Variants in CCDC171 observed in about 807,000 individuals in gnomAD.
CCDC171 encodes coiled-coil domain containing 171.
CCDC171 carries 177 observed loss-of-function variants against 168.2 expected under a neutral mutation model. That is an observed-to-expected ratio of 1.05 (90% CI 0.93 to 1.19). CCDC171 has a LOEUF of 1.19. Ranked by LOEUF, CCDC171 falls within the 50% of genes most tolerant of loss-of-function variation. The pLI is 0.00. For synonymous variants in CCDC171, 687 were observed against 540.8 expected (o/e 1.27, Z -3.75); for missense variants, 1,991 against 1,539.0 (o/e 1.29, Z -4.91).
chr9:15,681,004 A>G (rs1046545759), intron 10 of CCDC171, among the ~76,000 whole-genome samples: 6 of 152,156 alleles, frequency 3.9e-5, no homozygotes, highest in Non-Finnish European at 7.4e-5. Flanking sequence ...CTCACCACAG[A>G]GCATATTCAT....
rs559930398 is a variant in CCDC171, at chr9:16,054,079, C to T, written n.90-6567C>T. ...CTTTCCTTTTCTTCCGGGTTCAGCGCTCCTTTTAAAAGTGGGCTCATGAGG... is the reference window on the plus strand; with the variant it reads ...CTTTCCTTTTCTTCCGGGTTCAGCGTTCCTTTTAAAAGTGGGCTCATGAGG... On this transcript the variant is annotated intron_variant and non_coding_transcript_variant, in intron 1 of 1. Transcript: ENST00000478913. Among the ~76,000 whole-genome samples, 7 of 152,284 alleles carry T rather than the reference C, an allele frequency of 4.6e-5. No individual in the cohort carries two copies. In the South Asian group the frequency reaches 1.5e-3, roughly 32 times the overall value.
chr9:15,834,216 A>G (rs777574718), intron 21 of CCDC171, among the ~76,000 whole-genome samples: 4 of 152,198 alleles, frequency 2.6e-5, no homozygotes, highest in Admixed American at 1.3e-4. Flanking sequence ...ATTGTCATCA[A>G]TCATAGTAAC....
intron 1 of CCDC171, among the ~76,000 whole-genome samples, chr9:16,045,674 A>T (rs1231565992): frequency 1.3e-5 from 2 of 152,218 alleles, no homozygotes; most frequent in African/African-American, 4.8e-5. Flanking sequence ...TTCTAGAGCC[A>T]GAGCAGCACT....
intron 11 of CCDC171, among the ~76,000 whole-genome samples, chr9:15,718,196 A>T (rs961759979): frequency 6.6e-6 from 1 of 152,208 alleles, no homozygotes; most frequent in Non-Finnish European, 1.5e-5. Flanking sequence ...AGTAGCCTGG[A>T]AGTACTCCTG....
chr9:16,044,998 T>C (rs1328089231), intron 1 of CCDC171, among the ~76,000 whole-genome samples: 1 of 152,232 alleles, frequency 6.6e-6, no homozygotes, highest in Non-Finnish European at 1.5e-5. Context: ...TAGTGTGTCT[T>C]AAGAGGTTAC....
chr9:15,995,426 A>T (rs1832341099), intron 3 of CCDC171, among the ~76,000 whole-genome samples: 1 of 152,232 alleles, frequency 6.6e-6, no homozygotes, highest in African/African-American at 2.4e-5. Context: ...GACTGGTGAG[A>T]AATTCACTCC....
chr9:15,578,757 T>A (rs1434306975), intron 3 of CCDC171, 92 bp from the exon 4 acceptor site: 28 of 1,021,398 alleles, frequency 2.7e-5, no homozygotes, highest in Non-Finnish European at 3.4e-5. Flanking sequence ...TTGTATATAT[T>A]ATGGAAACAA....
intron 18 of CCDC171, among the ~76,000 whole-genome samples, chr9:15,766,002 C>T (rs570050859): frequency 6.6e-5 from 10 of 152,152 alleles, no homozygotes; most frequent in Admixed American, 3.9e-4. Context: ...GCGGAGGACA[C>T]GTTTGTTTAC....
At chr9:15,858,466 A>T (rs2061428618) in intron 23 of CCDC171, among the ~76,000 whole-genome samples, 1 of 152,052 alleles carries the variant, frequency 6.6e-6, no homozygotes, top group Non-Finnish European at 1.5e-5. Context: ...TGCCACTGGG[A>T]TTCTGATAGG....
chr9:15,612,487 C>T (rs549464773), intron 6 of CCDC171, among the ~76,000 whole-genome samples: 2 of 152,266 alleles, frequency 1.3e-5, no homozygotes, highest in African/African-American at 2.4e-5. Context: ...GTGGTCCCCT[C>T]TTGGTGTTCT....
At position 15,744,569 on chromosome 9, in the gene CCDC171, G is replaced by C. The variant is rs1411712697; in HGVS notation, c.2346G>C (p.Lys782Asn). 2 of 1,614,040 alleles carry C rather than the reference G, an allele frequency of 1.2e-6. No individual in the cohort carries two copies. Among genetic ancestry groups the C allele is most frequent in the Admixed American group, 1.7e-5 (1 of 59,994 alleles). The change falls in exon 17 of 26, where the codon AAG becomes AAC. Residue 782 changes from lysine to asparagine, a missense_variant. Lys to Asn is a moderately conservative substitution (Grantham distance 94, BLOSUM62 0). Transcript: ENST00000380701. ...LAQALSTVEEKKQEEAKMKKK... is the reference protein window; with the variant it reads ...LAQALSTVEENKQEEAKMKKK... ...AGGCTTTGTCAACTGTAGAGGAAAA[G>C]AAGCAAGAGGAAGCCAAGATGAAAA...
Position 15,836,119 on chromosome 9 carries a change from C to G in CCDC171, c.3268-10583C>G, listed in dbSNP as rs182812927. On this transcript the variant is annotated intron_variant, in intron 21 of 25. Transcript: ENST00000380701. Reference sequence around the variant, plus strand: ...GATTTTCTAAAGTATCTCCTGATGACTTCATAGTTATATAAATATTAAATT... The same window carrying G: ...GATTTTCTAAAGTATCTCCTGATGAGTTCATAGTTATATAAATATTAAATT... Among the ~76,000 whole-genome samples the G allele has an allele frequency of 4.6e-5, 7 of 152,226 alleles. No homozygotes were observed. The East Asian group carries it at 1.4e-3, about 29-fold the overall frequency.
Position 15,639,147 on chromosome 9 carries a change from T to C in CCDC171, c.822+15734T>C, listed in dbSNP as rs1363934429. ...AAAAGTTGTATTTTACCTTTCATAATTGTTGATAAAGACCACCTTGTATGA... is the reference window on the plus strand; with the variant it reads ...AAAAGTTGTATTTTACCTTTCATAACTGTTGATAAAGACCACCTTGTATGA... On this transcript the variant is annotated intron_variant, in intron 7 of 25. Coordinates refer to ENST00000380701, the MANE Select transcript of CCDC171 (RefSeq NM_173550.4). Among the ~76,000 whole-genome samples, 3 of 152,064 alleles carry C rather than the reference T, an allele frequency of 2.0e-5. No individual in the cohort carries two copies. The East Asian group carries it at 5.8e-4, about 29-fold the overall frequency.
At chr9:16,097,390 C>A in the CCDC171 span, among the ~76,000 whole-genome samples, 1 of 152,136 alleles carries the variant, frequency 6.6e-6, no homozygotes, top group Non-Finnish European at 1.5e-5. Context: ...AAAGGGAAAG[C>A]AATATTTTTT....
intron 3 of CCDC171, among the ~76,000 whole-genome samples, chr9:16,011,820 G>C (rs986292049): frequency 6.6e-6 from 1 of 152,164 alleles, no homozygotes; most frequent in East Asian, 1.9e-4. Context: ...GGAGAAGTTT[G>C]AATAAAACTT....
At chr9:15,907,537 T>C (rs891872739) in intron 24 of CCDC171, among the ~76,000 whole-genome samples, 3 of 152,076 alleles carry the variant, frequency 2.0e-5, no homozygotes, top group African/African-American at 7.2e-5. Context: ...AAATGTTAGA[T>C]TTAAAACCAT....
At chr9:15,675,674 T>G (rs968456408) in intron 9 of CCDC171, among the ~76,000 whole-genome samples, 1 of 152,204 alleles carries the variant, frequency 6.6e-6, no homozygotes, top group Non-Finnish European at 1.5e-5. Flanking sequence ...TGAAAATTCT[T>G]TTCTTTAAGA....
At chr9:15,871,960 A>C (rs1029691623) in intron 23 of CCDC171, among the ~76,000 whole-genome samples, 1 of 152,000 alleles carries the variant, frequency 6.6e-6, no homozygotes, top group Non-Finnish European at 1.5e-5. Flanking sequence ...TTTTCTAAAA[A>C]CTTTTCCTAG....
chr9:15,567,842 C>G (rs999408251), intron 2 of CCDC171, among the ~76,000 whole-genome samples: 2 of 151,762 alleles, frequency 1.3e-5, no homozygotes, highest in Non-Finnish European at 2.9e-5. Flanking sequence ...TTTGTAGAGA[C>G]AAGATCTTGC....
Sources: allele counts gnomAD v4.1 joint callset (sites outside exome capture counted in the v4.1 genomes callset), GRCh38; gene constraint gnomAD v4.1.1; transcripts MANE v1.5; gene names NCBI Gene and HGNC (gene_info 2026-07-23, HGNC 2026-07-21).